The following KLF12 variants were observed in gnomAD, a reference collection of about 807,000 sequenced individuals.
KLF12 encodes KLF transcription factor 12, also known as Krueppel-like factor 12.
Under a neutral mutation model 37.8 loss-of-function variants are expected in KLF12, and 9 were observed. That is an observed-to-expected ratio of 0.24 (90% CI 0.14 to 0.42). The LOEUF (loss-of-function observed/expected upper bound fraction) is 0.42. Among genes scored for constraint, KLF12 ranks in the 10% least tolerant of loss-of-function variants. The pLI, the probability that KLF12 is intolerant of heterozygous loss-of-function variation, is 1.00. For synonymous variants in KLF12, 208 were observed against 202.1 expected (o/e 1.03, Z -0.25); for missense variants, 411 against 516.0 (o/e 0.80, Z 1.97).
the KLF12 span, among the ~76,000 whole-genome samples, chr13:74,277,091 G>A: frequency 3.9e-5 from 6 of 152,230 alleles, no homozygotes; most frequent in African/African-American, 1.4e-4. Context: ...GATGGCCTTG[G>A]CCTTTCAAAT....
chr13:74,166,825 G>A, the KLF12 span, among the ~76,000 whole-genome samples: 1 of 152,172 alleles, frequency 6.6e-6, no homozygotes, highest in South Asian at 2.1e-4. Context: ...TCAAATATAT[G>A]CTCAAATAAT....
chr13:73,857,851 T>C (rs972800167), intron 3 of KLF12, among the ~76,000 whole-genome samples: 26 of 152,192 alleles, frequency 1.7e-4, no homozygotes, highest in Admixed American at 3.3e-4. Flanking sequence ...AAGCATTATA[T>C]GTAATTCTAA....
At chr13:73,875,803 C>T (rs993109557) in intron 3 of KLF12, among the ~76,000 whole-genome samples, 3 of 152,104 alleles carry the variant, frequency 2.0e-5, no homozygotes, top group Non-Finnish European at 4.4e-5. Context: ...TATTTTTATA[C>T]TGTCCTGATA....
intron 5 of KLF12, among the ~76,000 whole-genome samples, chr13:73,774,487 G>A (rs915460181): frequency 3.9e-5 from 6 of 152,064 alleles, no homozygotes; most frequent in Non-Finnish European, 5.9e-5. Flanking sequence ...AGATCCATCC[G>A]TCACTTCCTC....
the KLF12 span, among the ~76,000 whole-genome samples, chr13:74,197,739 G>A: frequency 2.6e-5 from 4 of 152,144 alleles, no homozygotes; most frequent in Non-Finnish European, 4.4e-5. Flanking sequence ...ACCTTTCATA[G>A]TCACTGCTAT....
intron 5 of KLF12, among the ~76,000 whole-genome samples, chr13:73,770,664 A>G (rs1020290277): frequency 6.6e-6 from 1 of 151,966 alleles, no homozygotes; most frequent in African/African-American, 2.4e-5. Flanking sequence ...CTGGGATTAC[A>G]GGCATGCGCC....
the KLF12 span, among the ~76,000 whole-genome samples, chr13:74,233,039 C>A: frequency 6.6e-6 from 1 of 152,148 alleles, no homozygotes; most frequent in Non-Finnish European, 1.5e-5. Flanking sequence ...GCGCGTTCCA[C>A]CATGCCTGGC....
At chr13:73,963,376 A>C (rs1305538248) in intron 2 of KLF12, among the ~76,000 whole-genome samples, 1 of 143,490 alleles carries the variant, frequency 7.0e-6, no homozygotes, top group African/African-American at 2.5e-5. Context: ...ACACACTCGG[A>C]ATTATTTGTA....
chr13:74,294,959 C>T, the KLF12 span, among the ~76,000 whole-genome samples: 1 of 152,178 alleles, frequency 6.6e-6, no homozygotes, highest in African/African-American at 2.4e-5. Context: ...ATTAAAGGCC[C>T]CTGCTGGCTC....
the KLF12 span, among the ~76,000 whole-genome samples, chr13:74,168,954 G>A: frequency 2.2e-4 from 34 of 152,286 alleles, no homozygotes; most frequent in Non-Finnish European, 4.6e-4. Context: ...GCTGCCTTGC[G>A]TTTCCTGGCT....
At chr13:74,105,147 A>G (rs1372232570) in intron 1 of KLF12, among the ~76,000 whole-genome samples, 4 of 152,200 alleles carry the variant, frequency 2.6e-5, no homozygotes, top group African/African-American at 7.2e-5. Flanking sequence ...TTGGATGACT[A>G]TTTATAAACC....
intron 4 of KLF12, among the ~76,000 whole-genome samples, chr13:73,829,949 C>T (rs1331781174): frequency 1.3e-5 from 2 of 152,052 alleles, no homozygotes; most frequent in East Asian, 1.9e-4. Flanking sequence ...TCAGATCACA[C>T]AAAATTATAT....
At chr13:74,036,753 C>CA (rs1893256030) in intron 1 of KLF12, among the ~76,000 whole-genome samples, 1 of 152,100 alleles carries the variant, frequency 6.6e-6, no homozygotes, top group African/African-American at 2.4e-5. Flanking sequence ...CCTGATCTTC[C>CA]AGCACAATGA....
chr13:74,060,425 G>T (rs904780776), intron 1 of KLF12, among the ~76,000 whole-genome samples: 4 of 150,230 alleles, frequency 2.7e-5, no homozygotes, highest in Admixed American at 6.6e-5. Flanking sequence ...TTAGTGTTTT[G>T]TAGAACTTCT....
the KLF12 span, among the ~76,000 whole-genome samples, chr13:74,242,677 C>T: frequency 6.6e-6 from 1 of 152,176 alleles, no homozygotes; most frequent in African/African-American, 2.4e-5. Context: ...TTAATATGCT[C>T]ATCCAATAAA....
At chr13:73,774,125 G>A (rs1365402878) in intron 5 of KLF12, among the ~76,000 whole-genome samples, 17 of 152,042 alleles carry the variant, frequency 1.1e-4, no homozygotes, top group Admixed American at 8.5e-4. Context: ...ATACAAAGTA[G>A]GCACACATTA....
intron 3 of KLF12, among the ~76,000 whole-genome samples, chr13:73,900,556 T>G (rs1247702974): frequency 6.6e-6 from 1 of 152,036 alleles, no homozygotes; most frequent in African/African-American, 2.4e-5. Flanking sequence ...TTTCCAAATA[T>G]GCAATTTCAT....
intron 7 of KLF12, among the ~76,000 whole-genome samples, chr13:73,714,159 G>A (rs902737980): frequency 6.6e-6 from 1 of 152,146 alleles, no homozygotes; most frequent in Non-Finnish European, 1.5e-5. Flanking sequence ...GTAGAAAAGA[G>A]AGGCTGGGTG....
At chr13:73,760,057 T>C (rs571825228) in intron 6 of KLF12, among the ~76,000 whole-genome samples, 23 of 152,208 alleles carry the variant, frequency 1.5e-4, no homozygotes, top group East Asian at 1.2e-3. Context: ...CACTAAAACA[T>C]TGAAGTGTGA....
Sources: allele counts gnomAD v4.1 joint callset (sites outside exome capture counted in the v4.1 genomes callset), GRCh38; gene constraint gnomAD v4.1.1; transcripts MANE v1.5; gene names NCBI Gene and HGNC (gene_info 2026-07-23, HGNC 2026-07-21).